ARHGAP44: variants seen among roughly 807,000 people sequenced by gnomAD.
The protein encoded by ARHGAP44 is rho GTPase-activating protein 44.
ARHGAP44 carries 43 observed loss-of-function variants against 106.8 expected under a neutral mutation model. The observed-to-expected ratio is 0.40, with a 90% confidence interval of 0.32 to 0.52. ARHGAP44 has a LOEUF of 0.52. Ranked by LOEUF, ARHGAP44 falls within the 20% of genes least tolerant of loss-of-function variation. The pLI is 0.48. For missense variants in ARHGAP44, 866 were observed against 1,050.5 expected (o/e 0.82, Z 2.43); for synonymous variants, 439 against 410.3 (o/e 1.07, Z -0.85).
rs183127406 is a variant in ARHGAP44 at position 12,953,949 on chromosome 17, C to G, written c.1136+1368C>G. On this transcript the variant is annotated intron_variant, in intron 13 of 20. Transcript: ENST00000379672. ...TCTCCCAGGCTGGAGTCCAGTGGTG[C>G]AATCTCGGCTCACTGCAACCCCCAC... Among the ~76,000 whole-genome samples, 12 of 152,214 alleles carry G rather than the reference C, an allele frequency of 7.9e-5. No individual in the cohort carries two copies. The East Asian group carries it at 2.3e-3, about 29-fold the overall frequency.
intron 1 of ARHGAP44, among the ~76,000 whole-genome samples, chr17:12,838,620 T>C (rs2035304770): frequency 6.6e-6 from 1 of 152,118 alleles, no homozygotes; most frequent in Non-Finnish European, 1.5e-5. Context: ...GAATTTGTAG[T>C]TTGAGTGCAG....
chr17:12,983,696 C>T (rs1223424875), intron 19 of ARHGAP44, among the ~76,000 whole-genome samples: 2 of 151,528 alleles, frequency 1.3e-5, no homozygotes, highest in African/African-American at 4.9e-5. Context: ...CCCAGCTACT[C>T]AGGAGGCTGA....
intron 3 of ARHGAP44, among the ~76,000 whole-genome samples, chr17:12,899,900 T>C (rs1429957257): frequency 1.3e-5 from 2 of 152,240 alleles, no homozygotes; most frequent in East Asian, 3.9e-4. Flanking sequence ...TTTAGTCATG[T>C]GTTCCAACTC....
chr17:12,944,080 G>C lies in ARHGAP44; in HGVS notation c.745G>C (p.Glu249Gln). 5 of 1,611,616 alleles carry C rather than the reference G, an allele frequency of 3.1e-6. No individual in the cohort carries two copies. The highest frequency in any genetic ancestry group is 4.2e-6 in the Non-Finnish European group (5 of 1,178,738). The stretch of plus-strand genomic sequence containing the variant: ...ACTCCTCCCCTCAGAGGCCTGGGTA[G>C]AGAAGCCTTCCTTCGGGAAGCCGCT... ...QIKAQQEAWV[E>Q]KPSFGKPLEE... The change falls in exon 10 of 21, where the codon GAG becomes CAG. Residue 249 changes from glutamate (E) to glutamine (Q), a missense_variant. Transcript: ENST00000379672.
rs112920406 is a variant in ARHGAP44 at position 12,849,214 on chromosome 17, C to CGTGTGTGT, written c.54-45714_54-45707dup. Among the ~76,000 whole-genome samples, 1,284 of 149,260 alleles carry CGTGTGTGT rather than the reference C, an allele frequency of 8.6e-3. 21 individuals are homozygous for CGTGTGTGT. Among genetic ancestry groups the CGTGTGTGT allele is most frequent in the African/African-American group, 0.03 (1,201 of 40,694 alleles). On this transcript the variant is annotated intron_variant, in intron 1 of 20. Transcript: ENST00000379672. ...GCCAGAGATCTTAAACTGAGGTGGG[C>CGTGTGTGT]GTGTGTGTGTGTGTGTGTGCGCACA...
At chr17:12,825,341 A>T (rs2034888284) in intron 1 of ARHGAP44, among the ~76,000 whole-genome samples, 1 of 148,690 alleles carries the variant, frequency 6.7e-6, no homozygotes, top group Non-Finnish European at 1.5e-5. Flanking sequence ...CCAGCCCTTG[A>T]TTACTAATTT....
chr17:12,893,557 G>A (rs2037110408), intron 1 of ARHGAP44, among the ~76,000 whole-genome samples: 1 of 152,186 alleles, frequency 6.6e-6, no homozygotes, highest in Non-Finnish European at 1.5e-5. Context: ...CCACTCCCTA[G>A]ATGGATGTTC....
chr17:12,924,610 A>G (rs755142290), intron 6 of ARHGAP44, among the ~76,000 whole-genome samples: 11 of 152,148 alleles, frequency 7.2e-5, no homozygotes, highest in South Asian at 2.1e-4. Flanking sequence ...CTAACCCCCA[A>G]TGCGACTGTA....
At chr17:12,799,654 A>G (rs180780278) in intron 1 of ARHGAP44, among the ~76,000 whole-genome samples, 2 of 152,172 alleles carry the variant, frequency 1.3e-5, no homozygotes, top group African/African-American at 4.8e-5. Context: ...TGTCTTTTGA[A>G]TCTACAGTCT....
rs2038020782 is a variant in ARHGAP44 at position 12,919,747 on chromosome 17, A to G, written c.388-8A>G. 1 of 1,608,718 alleles carries G rather than the reference A, an allele frequency of 6.2e-7. No individual in the cohort carries two copies. The highest frequency in any genetic ancestry group is 8.5e-7 in the Non-Finnish European group (1 of 1,177,212). The stretch of plus-strand genomic sequence containing the variant: ...TTTAATTGTATCTTTTATGTTGTGT[A>G]ACCACAGGTGGAAATCCCAAATATT... On this transcript the variant is annotated splice_region_variant and splice_polypyrimidine_tract_variant and intron_variant, in intron 5 of 20. Transcript: ENST00000379672.
intron 7 of ARHGAP44, among the ~76,000 whole-genome samples, chr17:12,931,173 G>A (rs1387318066): frequency 2.6e-5 from 4 of 151,572 alleles, no homozygotes; most frequent in African/African-American, 9.7e-5. Context: ...CTGGGTTCAA[G>A]CAATTCTTAT....
At chr17:12,802,944 TATATATATATATATATATATATA>T (rs2034145661) in intron 1 of ARHGAP44, among the ~76,000 whole-genome samples, 11 of 16,400 alleles carry the variant, frequency 6.7e-4, no homozygotes, top group African/African-American at 3.0e-3. Context: ...TATATATATA[TATATATATATATATATATATATA>T]TATTTTTTTT....
chr17:12,917,063 A>G (rs965089844), intron 5 of ARHGAP44, among the ~76,000 whole-genome samples: 3 of 152,150 alleles, frequency 2.0e-5, no homozygotes, highest in African/African-American at 7.2e-5. Flanking sequence ...CCCAATCCCA[A>G]ATATTTCTGG....
intron 5 of ARHGAP44, among the ~76,000 whole-genome samples, chr17:12,917,110 T>TA (rs939975078): frequency 2.6e-5 from 4 of 152,178 alleles, no homozygotes; most frequent in Non-Finnish European, 5.9e-5. Flanking sequence ...TCCATCTATA[T>TA]AAAATCTAAC....
At chr17:12,969,947 T>A (rs1452459019) in intron 16 of ARHGAP44, among the ~76,000 whole-genome samples, 1 of 152,214 alleles carries the variant, frequency 6.6e-6, no homozygotes, top group African/African-American at 2.4e-5. Context: ...TTCTAGAACC[T>A]ATTCCATGAT....
At chr17:12,974,616 G>T (rs1300550903) in intron 18 of ARHGAP44, among the ~76,000 whole-genome samples, 1 of 151,980 alleles carries the variant, frequency 6.6e-6, no homozygotes, top group African/African-American at 2.4e-5. Context: ...TGTCTTTGTC[G>T]TTACAGTGGC....
chr17:12,975,832 A>G (rs905040541), intron 18 of ARHGAP44, among the ~76,000 whole-genome samples: 22 of 148,924 alleles, frequency 1.5e-4, no homozygotes, highest in African/African-American at 5.4e-4. Flanking sequence ...AAAAGACATG[A>G]TTGCTGCCCT....
chr17:12,987,976 T>A (rs1459957634), intron 20 of ARHGAP44: 1 of 152,092 alleles, frequency 6.6e-6, no homozygotes, highest in Non-Finnish European at 1.5e-5. Context: ...GCAAACCAGG[T>A]CTTCTCCCCG....
intron 7 of ARHGAP44, among the ~76,000 whole-genome samples, chr17:12,937,332 G>A (rs1050869189): frequency 2.0e-5 from 3 of 152,184 alleles, no homozygotes; most frequent in African/African-American, 7.2e-5. Flanking sequence ...GGTGCTGAAA[G>A]CAGGAGAGGA....
Sources: gnomAD v4.1 joint callset for allele counts (sites outside exome capture counted in the v4.1 genomes callset) on GRCh38, gnomAD v4.1.1 for gene constraint, MANE v1.5 for transcripts, NCBI Gene and HGNC (gene_info 2026-07-23, HGNC 2026-07-21) for gene names.